The following SFRP1 variants were observed in gnomAD, a reference collection of about 807,000 sequenced individuals.
SFRP1 encodes the protein secreted frizzled-related protein 1.
SFRP1 carries 9 observed loss-of-function variants against 25.9 expected under a neutral mutation model. The observed-to-expected ratio is 0.35, with a 90% CI of 0.21 to 0.61. SFRP1 has a LOEUF of 0.61. Ranked by LOEUF, SFRP1 falls within the 20% of genes least tolerant of loss-of-function variation. SFRP1 has a pLI of 0.78. For synonymous variants in SFRP1, 178 were observed against 174.0 expected (o/e 1.02, Z -0.18); for missense variants, 346 against 418.2 (o/e 0.83, Z 1.51).
At chr8:41,271,782 T>A (rs1186690106) in intron 2 of SFRP1, among the ~76,000 whole-genome samples, 1 of 151,296 alleles carries the variant, frequency 6.6e-6, no homozygotes, top group Non-Finnish European at 1.5e-5. Context: ...CTGGGCAATA[T>A]AGTGAGACCC....
intron 2 of SFRP1, among the ~76,000 whole-genome samples, chr8:41,299,457 A>G (rs1038762845): frequency 4.1e-5 from 6 of 146,884 alleles, no homozygotes; most frequent in African/African-American, 1.0e-4. Context: ...AACTTAATAC[A>G]CAAGTTGCCG....
chr8:41,267,115 TGA>T (rs1434053568), intron 2 of SFRP1, among the ~76,000 whole-genome samples: 1 of 152,224 alleles, frequency 6.6e-6, no homozygotes, highest in African/African-American at 2.4e-5. Flanking sequence ...CAAGTTCTGG[TGA>T]AGTCCTAATT....
intron 2 of SFRP1, among the ~76,000 whole-genome samples, chr8:41,286,119 G>T (rs988470640): frequency 2.0e-5 from 3 of 152,110 alleles, no homozygotes; most frequent in Admixed American, 6.5e-5. Flanking sequence ...CGTCGGGAAT[G>T]GGGGGACAGG....
At chr8:41,287,040 A>C (rs912128889) in intron 2 of SFRP1, among the ~76,000 whole-genome samples, 1 of 152,222 alleles carries the variant, frequency 6.6e-6, no homozygotes, top group African/African-American at 2.4e-5. Context: ...TAACGTCTAC[A>C]GTGGGACCCT....
At chr8:41,304,958 G>T (rs1038429729) in intron 1 of SFRP1, among the ~76,000 whole-genome samples, 3 of 152,104 alleles carry the variant, frequency 2.0e-5, no homozygotes, top group African/African-American at 7.2e-5. Context: ...ACTGTCCTTA[G>T]CCCAGATGCT....
At chr8:41,307,053 G>A in intron 1 of SFRP1, 1 of 1,415,254 alleles carries the variant, frequency 7.1e-7, no homozygotes, top group Non-Finnish European at 9.2e-7. Flanking sequence ...TCAGGGCTGG[G>A]CACAGCCTCA....
chr8:41,288,201 T>TA (rs569625948), intron 2 of SFRP1, among the ~76,000 whole-genome samples: 18 of 151,638 alleles, frequency 1.2e-4, no homozygotes, highest in Admixed American at 7.9e-4. Context: ...CTACTAAAAA[T>TA]AAAAAAATTA....
intron 2 of SFRP1, among the ~76,000 whole-genome samples, chr8:41,286,464 T>C (rs1166593869): frequency 6.6e-6 from 1 of 150,476 alleles, no homozygotes; most frequent in Non-Finnish European, 1.5e-5. Context: ...GCAGAGGGAG[T>C]GTGGGGCCAG....
At chr8:41,281,229 T>A (rs374417461) in intron 2 of SFRP1, among the ~76,000 whole-genome samples, 18 of 152,166 alleles carry the variant, frequency 1.2e-4, no homozygotes, top group African/African-American at 4.3e-4. Flanking sequence ...GGCCTCCAGT[T>A]TGCATCAGGG....
Position 41,265,112 on chromosome 8 carries a change from T to TCCCCCCCCCAACCCC in SFRP1, c.*54_*55insGGGGTTGGGGGGGGG. 1 of 517,774 alleles carries TCCCCCCCCCAACCCC rather than the reference T, an allele frequency of 1.9e-6. No homozygotes were observed. Among genetic ancestry groups the TCCCCCCCCCAACCCC allele is most frequent in the Non-Finnish European group, 3.6e-6 (1 of 279,106 alleles). The allele number at this position is 517,774 out of a possible 1,614,324, so 32.1% of individuals were successfully genotyped here. A position where few individuals can be genotyped will look rare whatever the true frequency, so the allele number is the denominator to read the frequency against. On this transcript the variant is annotated 3_prime_UTR_variant, in exon 3 of 3. Transcript: ENST00000220772. Reference sequence around the variant, plus strand: ...GACCCACCGGGTTCCCGGGGCACTGTCCCCCCCGCTCCCACCCCACCCGAG... The same window carrying TCCCCCCCCCAACCCC: ...GACCCACCGGGTTCCCGGGGCACTGTCCCCCCCCCAACCCCCCCCCCCGCTCCCACCCCACCCGAG...
rs114643256 is a variant in SFRP1, at chr8:41,290,318, C to A, written c.622+13143G>T. Among the ~76,000 whole-genome samples the A allele has an allele frequency of 1.8e-3, 274 of 152,356 alleles. 4 individuals carry two copies. The highest frequency in any genetic ancestry group is 6.2e-3 in the African/African-American group (256 of 41,582). On this transcript the variant is annotated intron_variant, in intron 2 of 2. Transcript: ENST00000220772. ...TTGTCACTGCAGCCTCTCCTGCCTC[C>A]CTCTTTCAGGGAAGCTCCAGACACC...
intron 2 of SFRP1, among the ~76,000 whole-genome samples, chr8:41,289,566 C>T (rs1018924838): frequency 2.6e-5 from 4 of 152,296 alleles, no homozygotes; most frequent in East Asian, 3.9e-4. Flanking sequence ...TAAGGCTACA[C>T]GTGTTCTTTC....
chr8:41,284,359 T>C (rs1803671874), intron 2 of SFRP1, among the ~76,000 whole-genome samples: 1 of 143,348 alleles, frequency 7.0e-6, no homozygotes, highest in African/African-American at 2.6e-5. Context: ...GGAGGGCCCC[T>C]CCCACATTGC....
intron 2 of SFRP1, among the ~76,000 whole-genome samples, chr8:41,274,275 G>A (rs1021291099): frequency 6.6e-6 from 1 of 152,208 alleles, no homozygotes; most frequent in African/African-American, 2.4e-5. Context: ...CCAGACCAAT[G>A]GTAGGAAAGA....
intron 2 of SFRP1, among the ~76,000 whole-genome samples, chr8:41,289,602 T>G (rs1456196564): frequency 6.6e-6 from 1 of 152,140 alleles, no homozygotes; most frequent in Non-Finnish European, 1.5e-5. Flanking sequence ...ATCCTAGAGA[T>G]TACAGCACCG....
chr8:41,283,099 C>T (rs775520974), intron 2 of SFRP1, among the ~76,000 whole-genome samples: 6 of 152,194 alleles, frequency 3.9e-5, no homozygotes, highest in Admixed American at 1.3e-4. Flanking sequence ...CAACATGAGT[C>T]TCCATCCTGT....
At position 41,309,437 on chromosome 8, in the gene SFRP1, C is replaced by CGGCGGGCGCGG. The variant is rs1563369627; in HGVS notation, c.-279_-278insCCGCGCCCGCC. The CGGCGGGCGCGG allele has an allele frequency of 3.8e-5, 6 of 158,736 alleles. No individual in the cohort carries two copies. The highest frequency in any genetic ancestry group is 1.4e-4 in the African/African-American group (6 of 41,536). 9.8% of individuals were successfully genotyped at this position (158,736 alleles called of 1,614,324 possible). On this transcript the variant is annotated 5_prime_UTR_variant, in exon 1 of 3. Transcript: ENST00000220772. ...AGGAAGGCGCGGGGCGGCGGGCGCGCGGCACTGACTCCGGAGGCTGCAGGG... is the reference window on the plus strand; with the variant it reads ...AGGAAGGCGCGGGGCGGCGGGCGCGCGGCGGGCGCGGGGCACTGACTCCGGAGGCTGCAGGG...
intron 2 of SFRP1, among the ~76,000 whole-genome samples, chr8:41,290,743 G>A (rs1803765858): frequency 1.3e-5 from 2 of 151,986 alleles, no homozygotes; most frequent in South Asian, 4.1e-4. Context: ...ACGGGACGCG[G>A]CTCCAGGGCT....
intron 2 of SFRP1, among the ~76,000 whole-genome samples, chr8:41,277,476 G>A (rs1273154006): frequency 6.6e-6 from 1 of 152,162 alleles, no homozygotes; most frequent in Non-Finnish European, 1.5e-5. Flanking sequence ...TACAGAAAAG[G>A]CAAAAACTAT....
Sources: gnomAD v4.1 joint callset for allele counts (sites outside exome capture counted in the v4.1 genomes callset) on GRCh38, gnomAD v4.1.1 for gene constraint, MANE v1.5 for transcripts, NCBI Gene and HGNC (gene_info 2026-07-23, HGNC 2026-07-21) for gene names.